Variants in CSNK2B observed in about 807,000 individuals in gnomAD.
CSNK2B encodes casein kinase 2 beta.
A neutral mutation model predicts 28.8 loss-of-function variants in CSNK2B; 2 were observed. That is an observed-to-expected ratio of 0.07 (90% confidence interval 0.03 to 0.22). The LOEUF (loss-of-function observed/expected upper bound fraction) is 0.22. CSNK2B is among the 10% of genes least tolerant of loss of function. CSNK2B has a pLI of 1.00. For synonymous variants in CSNK2B, 89 were observed against 96.1 expected, an observed-to-expected ratio of 0.93 and a Z score of 0.43; for missense variants, 107 against 277.9, an observed-to-expected ratio of 0.39 and a Z score of 4.37.
In CSNK2B at chr6:31,669,300, G is replaced by C. The variant is rs369412604; in HGVS notation, c.368-19G>C. 2 of 1,607,654 alleles carry C rather than the reference G, an allele frequency of 1.2e-6. No individual in the cohort carries two copies. Among genetic ancestry groups the C allele is most frequent in the African/African-American group, 2.7e-5 (2 of 74,830 alleles). On this transcript the variant is annotated intron_variant, in intron 5 of 6. Coordinates refer to ENST00000375882, the MANE Select transcript of CSNK2B (RefSeq NM_001320.7). This position sits in a 1 kb window ranked among gnomAD's most constrained non-coding sequence, Gnocchi z 4.8. ...GGAATAGGGGGATACCTGGCCTGCT[G>C]AGTCTGGCTGTCTCCCAGGCCTTTC... is the stretch of plus-strand genomic sequence containing the variant.
chr6:31,667,711 C>T (rs1167593359), intron 2 of CSNK2B, among the ~76,000 whole-genome samples, 157 bp from the exon 3 acceptor site: 1 of 151,938 alleles, frequency 6.6e-6, no homozygotes, highest in Non-Finnish European at 1.5e-5. Context: ...TGTAGGTGAA[C>T]TAGGGAGAGA....
intron 4 of CSNK2B, 133 bp from the exon 5 acceptor site, chr6:31,668,964 C>T (rs1801987694): frequency 3.0e-6 from 2 of 667,708 alleles, no homozygotes; most frequent in Non-Finnish European, 5.3e-6. Flanking sequence ...TTTGAGAGCC[C>T]ATCTAGTCCA....
chr6:31,668,527 G>C lies in CSNK2B; in HGVS notation c.176-12G>C. 1 of 1,611,076 alleles carries C rather than the reference G, an allele frequency of 6.2e-7. No individual in the cohort carries two copies. The highest frequency in any genetic ancestry group is 8.5e-7 in the Non-Finnish European group (1 of 1,178,202). ...AAAACAAGTAGTTGCATTTGGCCGG[G>C]CTGTGTTTCAGATGAAGAACTGGAA... is the stretch of plus-strand genomic sequence containing the variant. On this transcript the variant is annotated splice_polypyrimidine_tract_variant and intron_variant, in intron 3 of 6. Coordinates refer to ENST00000375882, the MANE Select transcript of CSNK2B (RefSeq NM_001320.7).
chr6:31,666,742 G>C, intron 1 of CSNK2B, 79 bp from the exon 2 acceptor site: 1 of 1,178,970 alleles, frequency 8.5e-7, no homozygotes, highest in Non-Finnish European at 1.2e-6. Context: ...CGTGGTTGGA[G>C]GGCCGAATGT....
intron 3 of CSNK2B, 199 bp downstream of exon 3, chr6:31,668,169 C>G (rs1017799882): frequency 6.3e-6 from 4 of 630,696 alleles, no homozygotes; most frequent in Non-Finnish European, 1.1e-5. Flanking sequence ...TTTCTAAATC[C>G]GCAATTCAGA....
chr6:31,666,741 A>G, intron 1 of CSNK2B, 80 bp from the exon 2 acceptor site: 2 of 1,147,718 alleles, frequency 1.7e-6, no homozygotes, highest in South Asian at 1.4e-5. Context: ...CCGTGGTTGG[A>G]GGGCCGAATG....
chr6:31,666,129 C>A lies in CSNK2B; in HGVS notation c.-91C>A. 4 of 995,714 alleles carry A rather than the reference C, an allele frequency of 4.0e-6. No individual in the cohort carries two copies. Among genetic ancestry groups the A allele is most frequent in the Non-Finnish European group, 4.8e-6 (4 of 834,420 alleles). 61.7% of individuals were successfully genotyped at this position (995,714 alleles called of 1,614,324 possible). ...TCGCCTGCCGCGGTCGGGTCCGCGG[C>A]CTGCGCTGTAGCGGTCGCCGCCGTT... is the stretch of plus-strand genomic sequence containing the variant. On this transcript the variant is annotated 5_prime_UTR_variant, in exon 1 of 7. Coordinates refer to ENST00000375882, the MANE Select transcript of CSNK2B (RefSeq NM_001320.7).
At chr6:31,668,896 C>A in intron 4 of CSNK2B, 3 of 612,850 alleles carry the variant, frequency 4.9e-6, no homozygotes, top group Non-Finnish European at 8.7e-6. Flanking sequence ...AAGGAACAAA[C>A]AACAAATGGC....
At chr6:31,667,001 A>G (rs1021179849) in intron 2 of CSNK2B, 98 bp downstream of exon 2, 9 of 1,048,460 alleles carry the variant, frequency 8.6e-6, no homozygotes, top group Admixed American at 1.9e-5. Flanking sequence ...CTTACATGCT[A>G]TTTGAAAACT....
In CSNK2B at chr6:31,669,387, C is replaced by G; in HGVS notation, c.436C>G (p.Pro146Ala). ...YCPKCMDVYTPKSSRHHHTDG... is the reference protein window; with the variant it reads ...YCPKCMDVYTAKSSRHHHTDG... ...CCCCAAGTGCATGGATGTGTACACA[C>G]CCAAGTCATCAAGACACCATCACAC... The change falls in exon 6 of 7, where the codon CCC becomes GCC. Residue 146 changes from proline to alanine, a missense_variant. By Grantham distance (27) the Pro-to-Ala change is conservative. Transcript: ENST00000375882. The surrounding 1 kb of genome is among the most constrained non-coding windows in gnomAD (Gnocchi z 4.8). 1 of 1,614,156 alleles carries G rather than the reference C, an allele frequency of 6.2e-7. No homozygotes were observed. The highest frequency in any genetic ancestry group is 8.5e-7 in the Non-Finnish European group (1 of 1,180,008).
Position 31,669,278 on chromosome 6 carries a change from A to G in CSNK2B, c.368-41A>G. ...AGTCCTGAGGGGAGGTTAGGTAGGA[A>G]TAGGGGGATACCTGGCCTGCTGAGT... On this transcript the variant is annotated intron_variant, in intron 5 of 6. Transcript: ENST00000375882. The surrounding 1 kb of genome is among the most constrained non-coding windows in gnomAD (Gnocchi z 4.8). 6.2e-7 allele frequency: 1 copy of G among 1,605,368 alleles called. No homozygotes were observed. Among genetic ancestry groups the G allele is most frequent in the Non-Finnish European group, 8.5e-7 (1 of 1,173,352 alleles).
In CSNK2B at chr6:31,669,460, T is replaced by C; in HGVS notation, c.509T>C (p.Val170Ala). The change falls in exon 6 of 7, where the codon GTG (valine) becomes GCG (alanine). Residue 170 changes from valine (V) to alanine (A), a missense_variant. Transcript: ENST00000375882. This position sits in a 1 kb window ranked among gnomAD's most constrained non-coding sequence, Gnocchi z 4.8. Reference sequence around the variant, plus strand: ...GGTTTCCCTCACATGCTCTTCATGGTGCATCCCGAGTACCGGCCCAAGAGA... The same window carrying C: ...GGTTTCCCTCACATGCTCTTCATGGCGCATCCCGAGTACCGGCCCAAGAGA... ...GTGFPHMLFM[V>A]HPEYRPKRPA... The C allele has an allele frequency of 6.2e-7, 1 of 1,613,456 alleles. No homozygotes were observed. The highest frequency in any genetic ancestry group is 8.5e-7 in the Non-Finnish European group (1 of 1,180,028).
chr6:31,666,279 A>T, intron 1 of CSNK2B, 71 bp downstream of exon 1: 10 of 768,204 alleles, frequency 1.3e-5, no homozygotes, highest in South Asian at 5.5e-5. Flanking sequence ...CCGGACTTTG[A>T]TGTGGGGGCG....
At position 31,669,994 on chromosome 6, in the gene CSNK2B, T is replaced by C. The variant is rs1802072277; in HGVS notation, c.*68T>C. On this transcript the variant is annotated 3_prime_UTR_variant, in exon 7 of 7. Coordinates refer to ENST00000375882, the MANE Select transcript of CSNK2B (RefSeq NM_001320.7). The surrounding 1 kb of genome is among the most constrained non-coding windows in gnomAD (Gnocchi z 4.8). The stretch of plus-strand genomic sequence containing the variant: ...TTTTTTGCCACCCTTTCAGGAACCC[T>C]GTATGGTTTTTAGTTTAAATTAAAG... The C allele has an allele frequency of 7.6e-6, 10 of 1,314,660 alleles. No homozygotes were observed. The highest frequency in any genetic ancestry group is 1.1e-5 in the Non-Finnish European group (10 of 951,196). 81.4% of individuals were successfully genotyped at this position (1,314,660 alleles called of 1,614,324 possible).
intron 1 of CSNK2B, 108 bp downstream of exon 1, chr6:31,666,316 G>T (rs1403502033): frequency 6.7e-6 from 3 of 445,260 alleles, no homozygotes; most frequent in Non-Finnish European, 9.0e-6. Context: ...GGTCCGGCAC[G>T]AAGGAGGGAG....
chr6:31,666,222 C>T lies in CSNK2B; in HGVS notation c.-12+14C>T. The T allele has an allele frequency of 2.0e-6, 2 of 986,728 alleles. No homozygotes were observed. The highest frequency in any genetic ancestry group is 5.2e-4 in the Middle Eastern group (1 of 1,908). The allele number at this position is 986,728 out of a possible 1,614,324, so 61.1% of individuals were successfully genotyped here. A position where few individuals can be genotyped will look rare whatever the true frequency, so the allele number is the denominator to read the frequency against. ...CCCGTCCAGCCGGTGAGTCTGAAGT[C>T]GTCGCTGCTCCGAGTCCCTTGTCGC... On this transcript the variant is annotated intron_variant, in intron 1 of 6. Coordinates refer to ENST00000375882, the MANE Select transcript of CSNK2B (RefSeq NM_001320.7).
intron 2 of CSNK2B, 35 bp downstream of exon 2, chr6:31,666,938 C>A: frequency 6.6e-7 from 1 of 1,504,260 alleles, no homozygotes; most frequent in Non-Finnish European, 9.3e-7. Context: ...TTGCCAGCTT[C>A]ACATATCTTC....
chr6:31,669,958 C>T lies in CSNK2B; in HGVS notation c.*32C>T, dbSNP rs976862419. 26 of 1,569,656 alleles carry T rather than the reference C, an allele frequency of 1.7e-5. No individual in the cohort carries two copies. The highest frequency in any genetic ancestry group is 2.3e-5 in the Non-Finnish European group (26 of 1,152,690). On this transcript the variant is annotated 3_prime_UTR_variant, in exon 7 of 7. Coordinates refer to ENST00000375882, the MANE Select transcript of CSNK2B (RefSeq NM_001320.7). The surrounding 1 kb of genome is among the most constrained non-coding windows in gnomAD (Gnocchi z 4.8). ...CCCCCACCTGTCCTGCAGTCTTTGA[C>T]TTTTCCTTTCTTTTTTGCCACCCTT...
At chr6:31,666,427 G>C (rs1801703789) in intron 1 of CSNK2B, 2 of 204,032 alleles carry the variant, frequency 9.8e-6, no homozygotes, top group South Asian at 1.0e-4. Flanking sequence ...GTTCTTGCTT[G>C]AGAATGATAA....
Sources: allele counts gnomAD v4.1 joint callset (sites outside exome capture counted in the v4.1 genomes callset), GRCh38; gene constraint gnomAD v4.1.1; non-coding constraint Gnocchi (gnomAD v3.1); transcripts MANE v1.5; gene names NCBI Gene and HGNC (gene_info 2026-07-23, HGNC 2026-07-21).